CRIM1: variants seen among roughly 807,000 people sequenced by gnomAD.
The protein encoded by CRIM1 is cysteine-rich motor neuron 1 protein.
CRIM1 carries 32 observed loss-of-function variants against 116.4 expected under a neutral mutation model. That is an observed-to-expected ratio of 0.27 (90% CI 0.21 to 0.37). CRIM1 has a LOEUF of 0.37. CRIM1 is among the 10% of genes least tolerant of loss of function. The probability of loss-of-function intolerance (pLI) is 1.00; values close to 1 mark genes in which losing one functional copy is unlikely to be tolerated. For synonymous variants in CRIM1, 590 were observed against 509.2 expected (o/e 1.16, Z -2.13); for missense variants, 1,331 against 1,354.8 (o/e 0.98, Z 0.28).
At chr2:36,544,743 C>T (rs923483238) in intron 15 of CRIM1, among the ~76,000 whole-genome samples, 14 of 152,054 alleles carry the variant, frequency 9.2e-5, no homozygotes, top group African/African-American at 2.2e-4. Flanking sequence ...TTTGTGATGA[C>T]GGAAATAAAT....
At position 36,464,618 on chromosome 2, in the gene CRIM1, A is replaced by G. The variant is rs1162388215; in HGVS notation, c.954A>G (p.Thr318=). The change falls in exon 5 of 17, where the codon ACA becomes ACG. Residue 318 remains threonine (T), a synonymous_variant. Transcript: ENST00000280527. ...TPRIVSRGDG[T]PGKCCDVFEC... ...GCATAGTCTCTCGTGGCGATGGGAC[A>G]CCTGGAAAGTGCTGTGATGTCTTTG... 6 of 1,614,038 alleles carry G rather than the reference A, an allele frequency of 3.7e-6. No individual in the cohort carries two copies. In the Admixed American group the frequency reaches 1.0e-4, roughly 27 times the overall value.
At chr2:36,440,790 T>G (rs1365257241) in intron 2 of CRIM1, among the ~76,000 whole-genome samples, 1 of 152,122 alleles carries the variant, frequency 6.6e-6, no homozygotes. Flanking sequence ...GCAGGTAGAG[T>G]TCCTCCATGT....
At chr2:36,546,875 A>T (rs912289375) in intron 15 of CRIM1, 109 bp from the exon 16 acceptor site, 20 of 630,636 alleles carry the variant, frequency 3.2e-5, no homozygotes, top group Non-Finnish European at 4.6e-5. Flanking sequence ...GCCTCAAAAA[A>T]CTGGGAAGCA....
intron 13 of CRIM1, among the ~76,000 whole-genome samples, chr2:36,524,787 C>T (rs925076841): frequency 6.6e-6 from 1 of 152,150 alleles, no homozygotes; most frequent in Non-Finnish European, 1.5e-5. Context: ...ACCTGCAAAT[C>T]GTAGTATTCT....
chr2:36,424,536 G>T (rs181871341), intron 2 of CRIM1, among the ~76,000 whole-genome samples: 1 of 152,210 alleles, frequency 6.6e-6, no homozygotes, highest in African/African-American at 2.4e-5. Flanking sequence ...CTCATCCACA[G>T]TAGGGCTGTG....
chr2:36,493,356 G>A (rs947636057), intron 7 of CRIM1, among the ~76,000 whole-genome samples: 1 of 152,216 alleles, frequency 6.6e-6, no homozygotes, highest in African/African-American at 2.4e-5. Flanking sequence ...GGGTGTGTGT[G>A]CATATGAATG....
chr2:36,363,356 A>G (rs906812128), intron 1 of CRIM1, among the ~76,000 whole-genome samples: 7 of 152,162 alleles, frequency 4.6e-5, no homozygotes, highest in Admixed American at 2.0e-4. Context: ...TGACTGGCAC[A>G]TGGAACATGC....
At chr2:36,542,115 G>A (rs995152319) in intron 14 of CRIM1, among the ~76,000 whole-genome samples, 2 of 152,108 alleles carry the variant, frequency 1.3e-5, no homozygotes, top group Admixed American at 6.5e-5. Flanking sequence ...TTTAATCAGA[G>A]CTGAACTGAG....
At chr2:36,373,543 G>C (rs1249905845) in intron 1 of CRIM1, among the ~76,000 whole-genome samples, 1 of 152,198 alleles carries the variant, frequency 6.6e-6, no homozygotes, top group Non-Finnish European at 1.5e-5. Context: ...CACTTGGGGA[G>C]AAAAGGTCAC....
At chr2:36,477,201 G>C (rs1238109815) in intron 6 of CRIM1, 130 bp downstream of exon 6, 2 of 712,816 alleles carry the variant, frequency 2.8e-6, no homozygotes, top group Non-Finnish European at 4.5e-6. Flanking sequence ...CCTTTTTTAA[G>C]ACACCATGGT....
chr2:36,441,338 G>C lies in CRIM1; in HGVS notation c.586G>C (p.Gly196Arg). 6.2e-7 allele frequency: 1 copy of C among 1,614,166 alleles called. No individual in the cohort carries two copies. Among genetic ancestry groups the C allele is most frequent in the African/African-American group, 1.3e-5 (1 of 75,054 alleles). The change falls in exon 3 of 17, where the codon GGT (glycine) becomes CGT (arginine). Residue 196 changes from glycine to arginine, a missense_variant. This residue lies in a region of CRIM1 where 690 missense variants were observed against 676.0 expected (regional missense o/e 1.02). Coordinates refer to ENST00000280527, the MANE Select transcript of CRIM1 (RefSeq NM_016441.3). ...RCPEDSVLIEGYAPPGECCPL... is the reference protein window; with the variant it reads ...RCPEDSVLIERYAPPGECCPL... ...TCCTGAAGATTCTGTTCTGATCGAG[G>C]GTTATGCTCCTCCTGGGGAGTGCTG...
intron 2 of CRIM1, among the ~76,000 whole-genome samples, chr2:36,438,779 T>C (rs1207386446): frequency 6.6e-6 from 1 of 152,190 alleles, no homozygotes; most frequent in Non-Finnish European, 1.5e-5. Flanking sequence ...ACAGTAGTGA[T>C]TCCTGAGACA....
intron 1 of CRIM1, among the ~76,000 whole-genome samples, chr2:36,394,196 CTG>C (rs1485859921): frequency 6.6e-6 from 1 of 152,132 alleles, no homozygotes; most frequent in Non-Finnish European, 1.5e-5. Context: ...CCTCTTAAAA[CTG>C]TGAAGGAAAG....
At position 36,356,589 on chromosome 2, in the gene CRIM1, C is replaced by T. The variant is rs755943514; in HGVS notation, c.297C>T (p.Asp99=). Residue 99 remains aspartate (D), a synonymous_variant, in exon 1 of 17, where the codon GAC becomes GAT. Coordinates refer to ENST00000280527, the MANE Select transcript of CRIM1 (RefSeq NM_016441.3). The surrounding 1 kb of genome is among the most constrained non-coding windows in gnomAD (Gnocchi z 4.3). ...RCVIRPPLNG[D]SLTEYEAGVC... is the part of the protein sequence containing the mutation. The stretch of plus-strand genomic sequence containing the variant: ...TCATCCGCCCCCCGCTCAATGGCGA[C>T]TCCCTCACCGAGTACGAAGCGGGCG... 5.6e-6 allele frequency: 9 copies of T among 1,611,672 alleles called. No homozygotes were observed. In the Admixed American group the frequency reaches 1.3e-4, roughly 24 times the overall value.
chr2:36,387,255 T>TTAA (rs1451695855), intron 1 of CRIM1, among the ~76,000 whole-genome samples: 3 of 152,200 alleles, frequency 2.0e-5, no homozygotes, highest in Admixed American at 2.0e-4. Context: ...AAGGATGTCT[T>TTAA]TTTAGAGTAT....
chr2:36,537,783 G>T (rs1355679796), intron 14 of CRIM1, among the ~76,000 whole-genome samples: 5 of 152,148 alleles, frequency 3.3e-5, no homozygotes, highest in Non-Finnish European at 7.3e-5. Flanking sequence ...CTTCTCATTT[G>T]CATTCTCTAA....
At chr2:36,546,161 A>G (rs779189194) in intron 15 of CRIM1, among the ~76,000 whole-genome samples, 7 of 152,200 alleles carry the variant, frequency 4.6e-5, no homozygotes, top group Non-Finnish European at 8.8e-5. Flanking sequence ...CTTTAACTAA[A>G]TTGATTTTTA....
At chr2:36,391,032 A>C (rs1325665169) in intron 1 of CRIM1, among the ~76,000 whole-genome samples, 2 of 147,564 alleles carry the variant, frequency 1.4e-5, no homozygotes, top group Admixed American at 1.4e-4. Context: ...CTGGTCTTGA[A>C]CTCCTGGGGT....
At chr2:36,436,185 T>C (rs1382956134) in intron 2 of CRIM1, among the ~76,000 whole-genome samples, 2 of 152,042 alleles carry the variant, frequency 1.3e-5, no homozygotes, top group East Asian at 3.9e-4. Context: ...TGGGAGAATT[T>C]ATAGAAAAGG....
Sources: allele counts gnomAD v4.1 joint callset (sites outside exome capture counted in the v4.1 genomes callset), GRCh38; gene constraint gnomAD v4.1.1; regional missense constraint gnomAD v4.1.1; non-coding constraint Gnocchi (gnomAD v3.1); transcripts MANE v1.5; gene names NCBI Gene and HGNC (gene_info 2026-07-23, HGNC 2026-07-21).